Variants in PDE7B observed in about 807,000 individuals in gnomAD.
PDE7B encodes 3',5'-cyclic-AMP phosphodiesterase 7B.
Under a neutral mutation model 56.2 loss-of-function variants are expected in PDE7B, and 29 were observed. That is an observed-to-expected ratio of 0.52 (90% CI 0.38 to 0.70). The LOEUF (loss-of-function observed/expected upper bound fraction) is 0.70, where lower values mean the gene tolerates loss of function less well. Among genes scored for constraint, PDE7B ranks in the 30% least tolerant of loss-of-function variants. The pLI is 0.00. For synonymous variants in PDE7B, 197 were observed against 196.9 expected (o/e 1.00, Z 0.00); for missense variants, 490 against 565.0 (o/e 0.87, Z 1.35).
intron 8 of PDE7B, among the ~76,000 whole-genome samples, chr6:136,172,521 A>G (rs1038900494): frequency 6.6e-6 from 1 of 152,010 alleles, no homozygotes; most frequent in Non-Finnish European, 1.5e-5. Flanking sequence ...TTCATTGTAG[A>G]TTCTGGATAT....
chr6:135,955,757 G>C (rs1287712795), intron 2 of PDE7B, among the ~76,000 whole-genome samples: 1 of 152,158 alleles, frequency 6.6e-6, no homozygotes, highest in Non-Finnish European at 1.5e-5. Context: ...GACAGTGTCA[G>C]AGAGAACAGA....
chr6:136,093,489 G>A (rs906171716), intron 2 of PDE7B, among the ~76,000 whole-genome samples: 3 of 152,200 alleles, frequency 2.0e-5, no homozygotes, highest in African/African-American at 4.8e-5. Context: ...GTATTTGTAT[G>A]TTATATACTT....
chr6:136,099,091 C>A (rs1777519356), intron 2 of PDE7B, among the ~76,000 whole-genome samples: 1 of 152,054 alleles, frequency 6.6e-6, no homozygotes, highest in Middle Eastern at 3.4e-3. Context: ...CATGTCCCTG[C>A]AAAGTACATG....
At chr6:135,954,477 T>C (rs904852374) in intron 2 of PDE7B, among the ~76,000 whole-genome samples, 2 of 152,150 alleles carry the variant, frequency 1.3e-5, no homozygotes, top group Non-Finnish European at 2.9e-5. Flanking sequence ...TACTCCAGGT[T>C]ACAAGATAAG....
At chr6:136,165,702 G>C (rs925757534) in intron 8 of PDE7B, 4 of 152,142 alleles carry the variant, frequency 2.6e-5, no homozygotes, top group Non-Finnish European at 5.9e-5. Flanking sequence ...ATGGGGAAAA[G>C]CAAAAGAAAC....
At position 136,187,016 on chromosome 6, in the gene PDE7B, C is replaced by CTT; in HGVS notation, c.1046-18_1046-17dup. ...TTCTAGATTACCAATGTGTTTTTTTCTTTCTTTCTTTCTTCTTAGGTGAAC... is the reference window on the plus strand; with the variant it reads ...TTCTAGATTACCAATGTGTTTTTTTCTTTTTCTTTCTTTCTTCTTAGGTGAAC... On this transcript the variant is annotated intron_variant, in intron 11 of 12. Transcript: ENST00000308191. 1 of 1,279,574 alleles carries CTT rather than the reference C, an allele frequency of 7.8e-7. No individual in the cohort carries two copies. Among genetic ancestry groups the CTT allele is most frequent in the Non-Finnish European group, 1.1e-6 (1 of 890,426 alleles). 79.3% of individuals were successfully genotyped at this position (1,279,574 alleles called of 1,614,324 possible). A position where few individuals can be genotyped will look rare whatever the true frequency, so the allele number is the denominator to read the frequency against.
At chr6:136,177,848 C>A (rs1355290805) in intron 9 of PDE7B, among the ~76,000 whole-genome samples, 2 of 151,896 alleles carry the variant, frequency 1.3e-5, no homozygotes, top group African/African-American at 2.4e-5. Context: ...TCATAGTAGC[C>A]AAACACTAGA....
At chr6:135,857,244 T>A (rs1407166446) in intron 1 of PDE7B, among the ~76,000 whole-genome samples, 1 of 152,128 alleles carries the variant, frequency 6.6e-6, no homozygotes, top group Non-Finnish European at 1.5e-5. Context: ...TTCATATAGT[T>A]TTTCATTAAA....
At chr6:136,095,094 A>G (rs1472212717) in intron 2 of PDE7B, among the ~76,000 whole-genome samples, 1 of 152,230 alleles carries the variant, frequency 6.6e-6, no homozygotes, top group Non-Finnish European at 1.5e-5. Flanking sequence ...GCTATTCAGT[A>G]CACATTAACA....
intron 8 of PDE7B, among the ~76,000 whole-genome samples, chr6:136,170,547 TAC>T (rs1378550884): frequency 6.6e-6 from 1 of 152,218 alleles, no homozygotes; most frequent in Non-Finnish European, 1.5e-5. Context: ...CATGAAATTA[TAC>T]AGTGTCTCTC....
intron 2 of PDE7B, among the ~76,000 whole-genome samples, chr6:136,020,403 A>T (rs1776051314): frequency 6.6e-6 from 1 of 152,242 alleles, no homozygotes; most frequent in Non-Finnish European, 1.5e-5. Flanking sequence ...CTGCATATAC[A>T]TTTATAAATA....
At chr6:135,955,523 G>A (rs1457736336) in intron 2 of PDE7B, among the ~76,000 whole-genome samples, 2 of 152,096 alleles carry the variant, frequency 1.3e-5, no homozygotes, top group Non-Finnish European at 2.9e-5. Context: ...TAAGACAATC[G>A]AATGTGGACA....
chr6:135,914,945 T>C (rs981204093), intron 1 of PDE7B, among the ~76,000 whole-genome samples: 1 of 151,690 alleles, frequency 6.6e-6, no homozygotes, highest in Non-Finnish European at 1.5e-5. Flanking sequence ...GTACAACAAT[T>C]AGCCAGGTGT....
chr6:135,976,427 C>A (rs1775189053), intron 2 of PDE7B, among the ~76,000 whole-genome samples: 1 of 152,112 alleles, frequency 6.6e-6, no homozygotes, highest in Non-Finnish European at 1.5e-5. Flanking sequence ...CTTGATTCCA[C>A]ACCTCTACCT....
intron 4 of PDE7B, among the ~76,000 whole-genome samples, chr6:136,148,470 A>AGGGAGGCAGGCAGGCAGGCAGGC: frequency 7.7e-6 from 1 of 130,138 alleles, no homozygotes; most frequent in East Asian, 2.4e-4. Context: ...GGAAGGAAGG[A>AGGGAGGCAGGCAGGCAGGCAGGC]AGGCAGGCAG....
chr6:136,070,723 T>TATG (rs1777034840), intron 2 of PDE7B, among the ~76,000 whole-genome samples: 1 of 152,186 alleles, frequency 6.6e-6, no homozygotes, highest in Non-Finnish European at 1.5e-5. Flanking sequence ...TTGTTAATAA[T>TATG]TTGCAACATA....
Position 135,944,628 on chromosome 6 carries a change from G to T in PDE7B, c.22-2836G>T, listed in dbSNP as rs116720768. 4.0e-3 allele frequency among the ~76,000 whole-genome samples: 614 copies of T among 152,238 alleles called. 4 individuals are homozygous for T. Among genetic ancestry groups the T allele is most frequent in the African/African-American group, 0.014 (598 of 41,538 alleles). ...TGCTATTTGGTGATGAGCTTGTCTA[G>T]CCAGTGAACCCAGGCAGGCCATGAC... is the stretch of plus-strand genomic sequence containing the variant. On this transcript the variant is annotated intron_variant, in intron 1 of 12. Coordinates refer to ENST00000308191, the MANE Select transcript of PDE7B (RefSeq NM_018945.4).
chr6:135,956,507 A>G (rs1332103800), intron 2 of PDE7B, among the ~76,000 whole-genome samples: 2 of 152,160 alleles, frequency 1.3e-5, no homozygotes, highest in Non-Finnish European at 2.9e-5. Flanking sequence ...GGCTGAGTGC[A>G]GTGGCTCATG....
At chr6:136,141,125 T>G (rs1222782787) in intron 3 of PDE7B, among the ~76,000 whole-genome samples, 1 of 152,174 alleles carries the variant, frequency 6.6e-6, no homozygotes, top group Non-Finnish European at 1.5e-5. Context: ...CTCTTATTAT[T>G]TTGAGATACG....
Sources: allele counts gnomAD v4.1 joint callset (sites outside exome capture counted in the v4.1 genomes callset), GRCh38; gene constraint gnomAD v4.1.1; transcripts MANE v1.5; gene names NCBI Gene and HGNC (gene_info 2026-07-23, HGNC 2026-07-21).